The following CTNNA3 variants were observed in gnomAD, a reference collection of about 807,000 sequenced individuals.
The protein encoded by CTNNA3 is catenin alpha 3, also known as catenin alpha-3.
A neutral mutation model predicts 95.7 loss-of-function variants in CTNNA3; 76 were observed. The ratio of observed to expected loss-of-function variants is 0.79; its 90% CI spans 0.66 to 0.96. The LOEUF is 0.96. CTNNA3 is among the 40% of genes least tolerant of loss of function. The pLI, the probability that CTNNA3 is intolerant of heterozygous loss-of-function variation, is 0.00. For missense variants in CTNNA3, 1,191 were observed against 1,089.8 expected (o/e 1.09, Z -1.31); for synonymous variants, 431 against 374.4 (o/e 1.15, Z -1.74).
intron 15 of CTNNA3, among the ~76,000 whole-genome samples, chr10:66,061,184 G>C (rs546218703): frequency 1.3e-5 from 2 of 152,164 alleles, no homozygotes; most frequent in South Asian, 4.2e-4. Context: ...CTCTGCCCTT[G>C]AATAAGGCTA....
chr10:67,476,564 A>G (rs1399142583), intron 5 of CTNNA3, among the ~76,000 whole-genome samples: 2 of 151,562 alleles, frequency 1.3e-5, no homozygotes, highest in Non-Finnish European at 2.9e-5. Flanking sequence ...ATCTCCAGGC[A>G]TTGAAGCACT....
Position 66,420,843 on chromosome 10 carries a change from A to AATAAATAAAC in CTNNA3, c.1532-41492_1532-41491insGTTTATTTAT, listed in dbSNP as rs1564945960. ...TAAATAAATAAATAAATAAATAAAA[A>AATAAATAAAC]ACAATATGGAGATTTCTCAAACAAA... On this transcript the variant is annotated intron_variant, in intron 11 of 17. Transcript: ENST00000433211. Among the ~76,000 whole-genome samples, 3 of 138,592 alleles carry AATAAATAAAC rather than the reference A, an allele frequency of 2.2e-5. No homozygotes were observed. In the East Asian group the frequency reaches 5.9e-4, roughly 27 times the overall value. The allele number at this position is 138,592 out of a possible 152,430, so 90.9% of individuals were successfully genotyped here.
chr10:65,979,865 G>C (rs1194834980), intron 16 of CTNNA3, among the ~76,000 whole-genome samples: 2 of 152,006 alleles, frequency 1.3e-5, no homozygotes, highest in Non-Finnish European at 2.9e-5. Context: ...TTTAAATCTT[G>C]AGAACTTTCT....
intron 7 of CTNNA3, among the ~76,000 whole-genome samples, chr10:67,163,617 A>C (rs1435111603): frequency 6.6e-6 from 1 of 152,022 alleles, no homozygotes; most frequent in Non-Finnish European, 1.5e-5. Flanking sequence ...TGGAAGTTCT[A>C]ATCGGTGCAG....
intron 5 of CTNNA3, among the ~76,000 whole-genome samples, chr10:67,280,828 G>C (rs1839369228): frequency 6.6e-6 from 1 of 152,072 alleles, no homozygotes; most frequent in African/African-American, 2.4e-5. Flanking sequence ...CCAATGAAGA[G>C]GGTATATAAG....
chr10:66,247,589 A>G (rs1010358655), intron 13 of CTNNA3, among the ~76,000 whole-genome samples: 4 of 152,226 alleles, frequency 2.6e-5, no homozygotes, highest in Non-Finnish European at 5.9e-5. Context: ...AGGATCATAA[A>G]TGCAGCAAGA....
intron 5 of CTNNA3, among the ~76,000 whole-genome samples, chr10:67,457,110 T>G (rs1847201711): frequency 6.6e-6 from 1 of 152,158 alleles, no homozygotes; most frequent in Non-Finnish European, 1.5e-5. Flanking sequence ...ATATAAGAAA[T>G]ACTCTGTGAA....
rs909024206 is a variant in CTNNA3, at chr10:67,037,240, CA to C, written c.1047+143076del. Among the ~76,000 whole-genome samples the C allele has an allele frequency of 1.8e-4, 27 of 151,826 alleles. 1 individual carries two copies. The highest frequency in any genetic ancestry group is 6.3e-4 in the African/African-American group (26 of 41,434). Reference sequence around the variant, plus strand: ...TAAGTAATGTGTCAGTAAGCATCAGCAAAAAATGTTACTTTAGAGATATTTA... The same window carrying C: ...TAAGTAATGTGTCAGTAAGCATCAGCAAAAATGTTACTTTAGAGATATTTA... On this transcript the variant is annotated intron_variant, in intron 7 of 17. Transcript: ENST00000433211.
chr10:67,065,448 A>G (rs1177400984), intron 7 of CTNNA3, among the ~76,000 whole-genome samples: 1 of 152,184 alleles, frequency 6.6e-6, no homozygotes, highest in Non-Finnish European at 1.5e-5. Flanking sequence ...ATCTTGTGAC[A>G]GAGAAAATAA....
At chr10:66,994,182 G>A (rs560031586) in intron 7 of CTNNA3, among the ~76,000 whole-genome samples, 119 of 152,178 alleles carry the variant, frequency 7.8e-4, no homozygotes, top group African/African-American at 2.4e-3. Flanking sequence ...AAACCAGTAA[G>A]TAATGTAAAG....
intron 5 of CTNNA3, among the ~76,000 whole-genome samples, chr10:67,378,667 G>A (rs1483785416): frequency 2.6e-5 from 4 of 152,154 alleles, no homozygotes; most frequent in Non-Finnish European, 5.9e-5. Context: ...TTAACTGTCT[G>A]TTCCTGACTT....
At chr10:66,644,995 A>G (rs1589061549) in intron 9 of CTNNA3, among the ~76,000 whole-genome samples, 1 of 152,178 alleles carries the variant, frequency 6.6e-6, no homozygotes, top group African/African-American at 2.4e-5. Flanking sequence ...AATGTTTTAT[A>G]AGTGGAATTA....
Position 66,746,149 on chromosome 10 carries a change from G to A in CTNNA3, c.1281+20115C>T, listed in dbSNP as rs185629123. 4.0e-3 allele frequency among the ~76,000 whole-genome samples: 610 copies of A among 151,980 alleles called. 4 individuals are homozygous for A. The highest frequency in any genetic ancestry group is 6.7e-3 in the Non-Finnish European group (453 of 67,978). On this transcript the variant is annotated intron_variant, in intron 9 of 17. Coordinates refer to ENST00000433211, the MANE Select transcript of CTNNA3 (RefSeq NM_013266.4). Reference sequence around the variant, plus strand: ...CTTTTCCATCTCTCTGGCTGTCTTCGGTCCAATCAGACGTAACAAAGTTGG... The same window carrying A: ...CTTTTCCATCTCTCTGGCTGTCTTCAGTCCAATCAGACGTAACAAAGTTGG...
At chr10:66,025,573 A>G (rs1485133924) in intron 15 of CTNNA3, among the ~76,000 whole-genome samples, 1 of 152,188 alleles carries the variant, frequency 6.6e-6, no homozygotes, top group Non-Finnish European at 1.5e-5. Context: ...ATCATCTACT[A>G]TCTTCCTCAC....
intron 7 of CTNNA3, among the ~76,000 whole-genome samples, chr10:66,930,500 T>C (rs923030132): frequency 6.6e-6 from 1 of 152,192 alleles, no homozygotes; most frequent in African/African-American, 2.4e-5. Flanking sequence ...GTACTAAAGA[T>C]GTTTGTATTA....
At chr10:67,373,209 A>T (rs978967644) in intron 5 of CTNNA3, among the ~76,000 whole-genome samples, 36 of 152,296 alleles carry the variant, frequency 2.4e-4, no homozygotes, top group African/African-American at 8.2e-4. Context: ...GACCCATCAG[A>T]GTGCTGTATT....
intron 10 of CTNNA3, among the ~76,000 whole-genome samples, chr10:66,598,411 A>G (rs1334032670): frequency 6.6e-6 from 1 of 152,066 alleles, no homozygotes; most frequent in Non-Finnish European, 1.5e-5. Flanking sequence ...TCTTACCCAG[A>G]GCAATTAGAC....
chr10:66,217,352 C>CAAAA (rs34541755), intron 13 of CTNNA3, among the ~76,000 whole-genome samples: 2 of 128,222 alleles, frequency 1.6e-5, no homozygotes, highest in Non-Finnish European at 3.3e-5. Context: ...GACTCTATCT[C>CAAAA]AAAAAAAAAA....
intron 10 of CTNNA3, among the ~76,000 whole-genome samples, chr10:66,576,468 C>T (rs1843005960): frequency 6.6e-6 from 1 of 151,976 alleles, no homozygotes. Context: ...GCCTTCCAAT[C>T]CATGCCCCCC....
Sources: allele counts gnomAD v4.1 joint callset (sites outside exome capture counted in the v4.1 genomes callset), GRCh38; gene constraint gnomAD v4.1.1; transcripts MANE v1.5; gene names NCBI Gene and HGNC (gene_info 2026-07-23, HGNC 2026-07-21).